Variants in TTC23 observed in about 807,000 individuals in gnomAD.
TTC23 encodes the protein tetratricopeptide repeat protein 23.
A neutral mutation model predicts 55.1 loss-of-function variants in TTC23; 58 were observed. The ratio of observed to expected loss-of-function variants is 1.05; its 90% CI spans 0.85 to 1.31. TTC23 has a LOEUF of 1.31. Among genes scored for constraint, TTC23 ranks in the 50% most tolerant of loss-of-function variants. TTC23 has a pLI of 0.00. For missense variants in TTC23, 516 were observed against 534.4 expected (o/e 0.97, Z 0.34); for synonymous variants, 203 against 199.9 (o/e 1.02, Z -0.13).
At chr15:99,180,841 A>AT (rs1309666481) in intron 9 of TTC23, among the ~76,000 whole-genome samples, 2 of 152,196 alleles carry the variant, frequency 1.3e-5, no homozygotes, top group Non-Finnish European at 2.9e-5. Context: ...GCCTGAATGT[A>AT]TTTACTCTGG....
chr15:99,167,048 A>G (rs867631657), intron 10 of TTC23, among the ~76,000 whole-genome samples: 2 of 152,134 alleles, frequency 1.3e-5, no homozygotes, highest in African/African-American at 2.4e-5. Context: ...CTAAATCCAC[A>G]TGAGCAGCCT....
intron 2 of TTC23, among the ~76,000 whole-genome samples, chr15:99,243,108 G>A: frequency 6.6e-6 from 1 of 152,068 alleles, no homozygotes; most frequent in Non-Finnish European, 1.5e-5. Context: ...CATCTGACAA[G>A]GGATTAATAA....
chr15:99,168,409 T>A (rs144971016), intron 10 of TTC23, among the ~76,000 whole-genome samples: 5 of 152,288 alleles, frequency 3.3e-5, no homozygotes, highest in Admixed American at 1.3e-4. Flanking sequence ...GGGGCCACCA[T>A]GTAGTGAAGG....
At position 99,177,809 on chromosome 15, in the gene TTC23, G is replaced by T. The variant is rs114341038; in HGVS notation, c.760-2654C>A. ...TTTCAAATCAATAATTACATGTTCTGAAAACACTGTAAGTTGTTTTTTTGC... is the reference window on the plus strand; with the variant it reads ...TTTCAAATCAATAATTACATGTTCTTAAAACACTGTAAGTTGTTTTTTTGC... On this transcript the variant is annotated intron_variant, in intron 9 of 13. Transcript: ENST00000394132. Among the ~76,000 whole-genome samples the T allele has an allele frequency of 9.7e-3, 1,478 of 152,282 alleles. 29 individuals carry two copies. Among genetic ancestry groups the T allele is most frequent in the African/African-American group, 0.033 (1,353 of 41,550 alleles).
Position 99,157,993 on chromosome 15 carries a change from A to G in TTC23, c.994-1696T>C, listed in dbSNP as rs189066742. On this transcript the variant is annotated intron_variant, in intron 11 of 13. Coordinates refer to ENST00000394132, the MANE Select transcript of TTC23 (RefSeq NM_001288615.3). ...CAAAGGGGTCCCAAAAGTGCTCCAC[A>G]AACAGAAGGACAAGGAGGGCGTTTA... The G allele has an allele frequency of 5.3e-5, 8 of 152,358 alleles. No individual in the cohort carries two copies. In the East Asian group the frequency reaches 1.5e-3, roughly 29 times the overall value. The allele number at this position is 152,358 out of a possible 1,614,324, so 9.4% of individuals were successfully genotyped here.
Position 99,138,011 on chromosome 15 carries a change from C to T in TTC23, c.1343G>A (p.Ter448=). ...CTAGGCTTTTTCAGGGTGGGGGCCT[C>T]AGTCTGCTGTTGTGCCGGGCCGGGC... ...GKARPGTTAD[*] The change falls in exon 14 of 14, where the codon TGA becomes TAA. Residue 448 remains the stop codon, a stop_retained_variant. Transcript: ENST00000394132. 6.2e-7 allele frequency: 1 copy of T among 1,614,126 alleles called. No homozygotes were observed.
At chr15:99,174,965 T>C in intron 10 of TTC23, 85 bp downstream of exon 10, 1 of 1,162,476 alleles carries the variant, frequency 8.6e-7, no homozygotes, top group South Asian at 1.4e-5. Context: ...GTCGCGGCTC[T>C]GTCCACCTGT....
intron 3 of TTC23, among the ~76,000 whole-genome samples, chr15:99,237,001 G>A (rs2079379581): frequency 7.2e-6 from 1 of 138,436 alleles, no homozygotes. Context: ...TTTTTTTTGA[G>A]ACAGAGTTTC....
At chr15:99,239,559 A>T (rs1293994641) in intron 3 of TTC23, among the ~76,000 whole-genome samples, 1 of 152,246 alleles carries the variant, frequency 6.6e-6, no homozygotes, top group Non-Finnish European at 1.5e-5. Context: ...AATACTTCAG[A>T]TTTAACAGGA....
chr15:99,248,120 G>A (rs369170633), intron 1 of TTC23: 1 of 152,122 alleles, frequency 6.6e-6, no homozygotes, highest in African/African-American at 2.4e-5. Flanking sequence ...ACAAAGAAGT[G>A]CATCAAAATT....
At chr15:99,149,990 AG>A (rs2069487310) in intron 12 of TTC23, among the ~76,000 whole-genome samples, 1 of 152,192 alleles carries the variant, frequency 6.6e-6, no homozygotes, top group African/African-American at 2.4e-5. Context: ...GCTGAACCCT[AG>A]GAAGAGTTTT....
intron 6 of TTC23, among the ~76,000 whole-genome samples, chr15:99,220,599 T>C (rs2077842582): frequency 2.0e-5 from 3 of 152,204 alleles, no homozygotes; most frequent in South Asian, 2.1e-4. Context: ...GAGCCTTTGA[T>C]CTAATAGGTA....
chr15:99,226,012 A>G (rs932943959), intron 5 of TTC23, among the ~76,000 whole-genome samples: 4 of 152,264 alleles, frequency 2.6e-5, no homozygotes, highest in Admixed American at 6.5e-5. Context: ...ATGAGGAAGC[A>G]TAAGACGAAC....
chr15:99,209,240 G>A (rs2076854517), intron 8 of TTC23, among the ~76,000 whole-genome samples: 2 of 152,150 alleles, frequency 1.3e-5, no homozygotes, highest in Admixed American at 1.3e-4. Context: ...TCTGGAATTT[G>A]GCAAGAATAT....
chr15:99,235,442 C>G (rs955180863), intron 3 of TTC23, among the ~76,000 whole-genome samples: 3 of 150,300 alleles, frequency 2.0e-5, no homozygotes, highest in Non-Finnish European at 4.4e-5. Context: ...GCGATCTCGG[C>G]TCACTGCAAT....
intron 9 of TTC23, among the ~76,000 whole-genome samples, chr15:99,187,462 A>AAAAAAAAAAAAAAAAAAAAAG (rs1230105824): frequency 4.5e-5 from 6 of 132,538 alleles, no homozygotes; most frequent in African/African-American, 5.4e-5. Context: ...CAAAAAAAAA[A>AAAAAAAAAAAAAAAAAAAAAG]AAAAAACAAA....
chr15:99,193,086 C>T (rs2075379139), intron 9 of TTC23, among the ~76,000 whole-genome samples: 1 of 152,198 alleles, frequency 6.6e-6, no homozygotes, highest in African/African-American at 2.4e-5. Context: ...CCTGTACCCA[C>T]TTTGTATCTA....
intron 1 of TTC23, among the ~76,000 whole-genome samples, chr15:99,247,400 T>G (rs1010135229): frequency 6.6e-6 from 1 of 152,220 alleles, no homozygotes; most frequent in African/African-American, 2.4e-5. Flanking sequence ...TGCTAAATAC[T>G]GTACTGTATT....
chr15:99,208,615 C>T (rs1050722460), intron 8 of TTC23, among the ~76,000 whole-genome samples: 2 of 152,106 alleles, frequency 1.3e-5, no homozygotes, highest in African/African-American at 4.8e-5. Flanking sequence ...ACTAACACAG[C>T]CAGAAATGGA....
Sources: allele counts gnomAD v4.1 joint callset (sites outside exome capture counted in the v4.1 genomes callset), GRCh38; gene constraint gnomAD v4.1.1; transcripts MANE v1.5; gene names NCBI Gene and HGNC (gene_info 2026-07-23, HGNC 2026-07-21).